CLSTN2: variants seen among roughly 807,000 people sequenced by gnomAD.
CLSTN2 encodes calsyntenin 2, also known as calsyntenin-2.
Under a neutral mutation model 101.2 loss-of-function variants are expected in CLSTN2, and 48 were observed. That is an observed-to-expected ratio of 0.47 (90% CI 0.38 to 0.60). The LOEUF (loss-of-function observed/expected upper bound fraction) is 0.60. Among genes scored for constraint, CLSTN2 ranks in the 20% least tolerant of loss-of-function variants. CLSTN2 has a pLI of 0.00. For synonymous variants in CLSTN2, 481 were observed against 463.6 expected (o/e 1.04, Z -0.48); for missense variants, 1,160 against 1,238.2 (o/e 0.94, Z 0.95).
intron 1 of CLSTN2, among the ~76,000 whole-genome samples, chr3:140,160,845 C>T (rs2010035297): frequency 6.6e-6 from 1 of 152,014 alleles, no homozygotes; most frequent in African/African-American, 2.4e-5. Context: ...GTGGGGAGTC[C>T]CTGAGTCCCT....
chr3:140,462,356 A>T (rs1933584180), intron 7 of CLSTN2, among the ~76,000 whole-genome samples: 1 of 152,132 alleles, frequency 6.6e-6, no homozygotes, highest in African/African-American at 2.4e-5. Flanking sequence ...AGATATTTAG[A>T]TTGTCTCCTT....
At chr3:140,138,683 G>A (rs2009651225) in intron 1 of CLSTN2, among the ~76,000 whole-genome samples, 1 of 152,160 alleles carries the variant, frequency 6.6e-6, no homozygotes, top group Non-Finnish European at 1.5e-5. Context: ...TATTTTTCAT[G>A]CCTGAGTTAC....
At chr3:140,313,022 G>A (rs1230538147) in intron 2 of CLSTN2, among the ~76,000 whole-genome samples, 2 of 152,176 alleles carry the variant, frequency 1.3e-5, no homozygotes, top group East Asian at 3.8e-4. Flanking sequence ...AAGGATTCTG[G>A]TGGAGCAAAA....
intron 2 of CLSTN2, among the ~76,000 whole-genome samples, chr3:140,252,671 G>A (rs1319189806): frequency 6.6e-6 from 1 of 152,212 alleles, no homozygotes; most frequent in African/African-American, 2.4e-5. Flanking sequence ...GGACACATGT[G>A]AAAGTTGAGA....
In CLSTN2 at chr3:140,382,805, G is replaced by A. The variant is rs114722110; in HGVS notation, c.233-20824G>A. 1.9e-3 allele frequency among the ~76,000 whole-genome samples: 289 copies of A among 152,244 alleles called. 1 individual carries two copies. The highest frequency in any genetic ancestry group is 6.2e-3 in the African/African-American group (256 of 41,548). On this transcript the variant is annotated intron_variant, in intron 2 of 16. Transcript: ENST00000458420. The stretch of plus-strand genomic sequence containing the variant: ...TACTGTGTCCTCACATGGCAGAAGT[G>A]GCAAGCAATCTCCCTTAGACCTCAT...
intron 2 of CLSTN2, among the ~76,000 whole-genome samples, chr3:140,201,108 G>A (rs749972706): frequency 2.6e-5 from 4 of 152,240 alleles, no homozygotes; most frequent in Non-Finnish European, 5.9e-5. Flanking sequence ...CGTGACAGAG[G>A]CCCTGCCTTC....
At chr3:140,543,120 C>T (rs370440054) in intron 9 of CLSTN2, among the ~76,000 whole-genome samples, 56 of 152,234 alleles carry the variant, frequency 3.7e-4, no homozygotes, top group African/African-American at 1.3e-3. Flanking sequence ...GTGTTGGGTA[C>T]ATATTGTATG....
At chr3:140,504,947 T>C (rs1281959787) in intron 8 of CLSTN2, among the ~76,000 whole-genome samples, 1 of 152,194 alleles carries the variant, frequency 6.6e-6, no homozygotes, top group East Asian at 1.9e-4. Context: ...GCTTGGCAAA[T>C]ATCCGTAACA....
intron 8 of CLSTN2, among the ~76,000 whole-genome samples, chr3:140,488,016 T>C (rs769376071): frequency 6.6e-6 from 1 of 152,204 alleles, no homozygotes; most frequent in Non-Finnish European, 1.5e-5. Context: ...ATGAGTCTTA[T>C]AAGCCAAGAG....
intron 2 of CLSTN2, among the ~76,000 whole-genome samples, chr3:140,373,418 T>A (rs558054710): frequency 5.9e-5 from 9 of 152,302 alleles, no homozygotes; most frequent in Non-Finnish European, 1.2e-4. Flanking sequence ...CATTTTCAAC[T>A]GGAAAATGAT....
chr3:140,448,434 G>T, intron 5 of CLSTN2, 85 bp from the exon 6 acceptor site: 1 of 1,158,260 alleles, frequency 8.6e-7, no homozygotes, highest in South Asian at 1.5e-5. Context: ...ATAATTCGTT[G>T]GAACAAATTC....
intron 2 of CLSTN2, among the ~76,000 whole-genome samples, chr3:140,281,034 G>T (rs6414345): frequency 0.88 from 133,636 of 152,186 alleles, 60,077 homozygotes; most frequent in Non-Finnish European, 0.97. Flanking sequence ...TGTCCTGGAT[G>T]TCTTAGAAGA....
chr3:140,315,050 G>A (rs2087215539), intron 2 of CLSTN2, among the ~76,000 whole-genome samples: 1 of 152,184 alleles, frequency 6.6e-6, no homozygotes, highest in Non-Finnish European at 1.5e-5. Flanking sequence ...TGCCAAGGCA[G>A]TTATTAGAGT....
Position 140,292,416 on chromosome 3 carries a change from A to T in CLSTN2, c.233-111213A>T, listed in dbSNP as rs144460766. Among the ~76,000 whole-genome samples, 1,157 of 152,314 alleles carry T rather than the reference A, an allele frequency of 7.6e-3. 12 individuals are homozygous for T. The highest frequency in any genetic ancestry group is 0.026 in the African/African-American group (1,089 of 41,576). On this transcript the variant is annotated intron_variant, in intron 2 of 16. Coordinates refer to ENST00000458420, the MANE Select transcript of CLSTN2 (RefSeq NM_022131.3). ...TTTTTCTTCTTCCCTACTAAAATAG[A>T]GCCCCCAATGTGCAGGAACATTATC...
intron 2 of CLSTN2, among the ~76,000 whole-genome samples, chr3:140,366,813 C>G (rs6794805): frequency 0.42 from 63,376 of 152,048 alleles, 14,026 homozygotes; most frequent in Non-Finnish European, 0.5. Flanking sequence ...TTGGATTTTT[C>G]CCTTGTAGCG....
intron 1 of CLSTN2, among the ~76,000 whole-genome samples, chr3:140,069,031 GC>G (rs1000317062): frequency 1.4e-4 from 21 of 152,250 alleles, no homozygotes; most frequent in Admixed American, 1.3e-3. Context: ...ACATTTTGCT[GC>G]CCTTATTTTT....
At chr3:140,427,197 A>ATATGTGTGTGTGTG (rs1553742756) in intron 5 of CLSTN2, among the ~76,000 whole-genome samples, 15 of 92,954 alleles carry the variant, frequency 1.6e-4, no homozygotes, top group African/African-American at 8.6e-4. Context: ...ATATATATAT[A>ATATGTGTGTGTGTG]TATATATGTG....
At chr3:140,272,074 GGT>G (rs745473737) in intron 2 of CLSTN2, among the ~76,000 whole-genome samples, 1 of 152,238 alleles carries the variant, frequency 6.6e-6, no homozygotes, top group Admixed American at 6.5e-5. Flanking sequence ...TTCTGGAATT[GGT>G]GTGTGTGTGT....
At chr3:140,492,586 G>A (rs1934373663) in intron 8 of CLSTN2, among the ~76,000 whole-genome samples, 1 of 152,172 alleles carries the variant, frequency 6.6e-6, no homozygotes, top group South Asian at 2.1e-4. Context: ...GGAACACACA[G>A]TCACTCACCT....
Sources: allele counts gnomAD v4.1 joint callset (sites outside exome capture counted in the v4.1 genomes callset), GRCh38; gene constraint gnomAD v4.1.1; transcripts MANE v1.5; gene names NCBI Gene and HGNC (gene_info 2026-07-23, HGNC 2026-07-21).